The following HOXA3 variants were observed in gnomAD, a reference collection of about 807,000 sequenced individuals.
The protein encoded by HOXA3 is homeobox A3.
In HOXA3, 8 loss-of-function variants were observed where a neutral mutation model predicts 30.3. That is an observed-to-expected ratio of 0.26 (90% CI 0.15 to 0.48). The LOEUF (loss-of-function observed/expected upper bound fraction) is 0.48, where lower values mean the gene tolerates loss of function less well. Among genes scored for constraint, HOXA3 ranks in the 20% least tolerant of loss-of-function variants. The pLI is 0.99. For missense variants in HOXA3, 653 were observed against 614.4 expected, an observed-to-expected ratio of 1.06 and a Z score of -0.66; for synonymous variants, 323 against 273.1, an observed-to-expected ratio of 1.18 and a Z score of -1.80.
Position 27,107,800 on chromosome 7 carries a change from G to C in HOXA3, c.*115C>G, listed in dbSNP as rs369064106. 184 of 689,734 alleles carry C rather than the reference G, an allele frequency of 2.7e-4. No individual in the cohort carries two copies. The East Asian group carries it at 4.7e-3, about 18-fold the overall frequency. The allele number at this position is 689,734 out of a possible 1,614,324, so 42.7% of individuals were successfully genotyped here. A position where few individuals can be genotyped will look rare whatever the true frequency, so the allele number is the denominator to read the frequency against. ...AACGGAGTGCGGGGCGGAGAAGAGA[G>C]AAAAGGAAGGAAGGAAAGGGCAGGA... is the stretch of plus-strand genomic sequence containing the variant. On this transcript the variant is annotated 3_prime_UTR_variant, in exon 6 of 6. Coordinates refer to ENST00000612286, the MANE Select transcript of HOXA3 (RefSeq NM_153631.3).
At chr7:27,115,075 C>T (rs2128044506) in intron 4 of HOXA3, among the ~76,000 whole-genome samples, 1 of 150,320 alleles carries the variant, frequency 6.7e-6, no homozygotes, top group Admixed American at 6.7e-5. Flanking sequence ...AGATTTCTCT[C>T]TTTTGCTGCA....
Position 27,113,855 on chromosome 7 carries a change from A to AC in HOXA3, c.-120-3096dup, listed in dbSNP as rs1298651113. On this transcript the variant is annotated intron_variant, in intron 4 of 5. Transcript: ENST00000612286. The surrounding 1 kb of genome is among the most constrained non-coding windows in gnomAD (Gnocchi z 4.8). Reference sequence around the variant, plus strand: ...CCCAGGGCCGACTGGGGCGGCTTGGACCCCCCTCCCACCCACCCCACCCAC... The same window carrying AC: ...CCCAGGGCCGACTGGGGCGGCTTGGACCCCCCCTCCCACCCACCCCACCCAC... 4 of 145,910 alleles carry AC rather than the reference A, an allele frequency of 2.7e-5. No homozygotes were observed. Among genetic ancestry groups the AC allele is most frequent in the Admixed American group, 2.0e-4 (3 of 14,840 alleles). The allele number at this position is 145,910 out of a possible 1,614,324, so 9.0% of individuals were successfully genotyped here.
intron 2 of HOXA3, among the ~76,000 whole-genome samples, chr7:27,138,758 GA>G (rs1785793089): frequency 6.6e-6 from 1 of 152,176 alleles, no homozygotes; most frequent in African/African-American, 2.4e-5. Flanking sequence ...TGCAATTTTG[GA>G]GACTGTTCTG....
intron 1 of HOXA3, chr7:27,147,632 C>A: frequency 6.2e-7 from 1 of 1,614,232 alleles, no homozygotes. Context: ...CCGTACGAGG[C>A]CGGGAAGGGC....
At chr7:27,142,915 C>G in intron 1 of HOXA3, 3 of 831,106 alleles carry the variant, frequency 3.6e-6, no homozygotes, top group Non-Finnish European at 3.7e-6. Context: ...GGAGGGAGAA[C>G]GGCAAGGAGA....
In HOXA3 at chr7:27,110,365, C is replaced by T; in HGVS notation, c.276G>A (p.Pro92=). The T allele has an allele frequency of 6.6e-7, 1 of 1,505,782 alleles. No homozygotes were observed. Among genetic ancestry groups the T allele is most frequent in the Non-Finnish European group, 8.8e-7 (1 of 1,132,106 alleles). 93.3% of individuals were successfully genotyped at this position (1,505,782 alleles called of 1,614,324 possible). A position where few individuals can be genotyped will look rare whatever the true frequency, so the allele number is the denominator to read the frequency against. ...CAGGGGGCGCGGCCTGGGGCGGCGGCGGGTGCAGGGGCGGCTCTCCCAGGC... is the reference window on the plus strand; with the variant it reads ...CAGGGGGCGCGGCCTGGGGCGGCGGTGGGTGCAGGGGCGGCTCTCCCAGGC... ...PPSLGEPPLH[P]PPPQAAPPAP... is the part of the protein sequence containing the mutation. The change falls in exon 5 of 6, where the codon CCG becomes CCA. Residue 92 remains proline, a synonymous_variant. Coordinates refer to ENST00000612286, the MANE Select transcript of HOXA3 (RefSeq NM_153631.3).
intron 4 of HOXA3, among the ~76,000 whole-genome samples, chr7:27,112,467 G>C (rs1462385902): frequency 6.6e-6 from 1 of 152,098 alleles, no homozygotes; most frequent in Non-Finnish European, 1.5e-5. Context: ...TAATTTTCCA[G>C]AACCTCGATT....
At chr7:27,134,036 A>T (rs1785642559) in intron 2 of HOXA3, 1 of 152,278 alleles carries the variant, frequency 6.6e-6, no homozygotes. Flanking sequence ...AAGGAAATGT[A>T]AACGTTATGG....
intron 4 of HOXA3, among the ~76,000 whole-genome samples, chr7:27,112,183 CCA>C (rs1784414854): frequency 6.6e-6 from 1 of 152,102 alleles, no homozygotes; most frequent in Admixed American, 6.5e-5. Flanking sequence ...AAATATTCAC[CCA>C]CACACACACT....
chr7:27,137,493 A>G (rs1284827419), intron 2 of HOXA3, among the ~76,000 whole-genome samples: 1 of 152,070 alleles, frequency 6.6e-6, no homozygotes. Flanking sequence ...TGACAGACAT[A>G]TTTTTTCTTA....
chr7:27,114,224 G>A (rs1005466945), intron 4 of HOXA3, among the ~76,000 whole-genome samples: 22 of 151,994 alleles, frequency 1.4e-4, no homozygotes, highest in Non-Finnish European at 2.9e-4. Flanking sequence ...GCTCCCAGGC[G>A]TCACGAAAGT....
chr7:27,127,688 A>G (rs929247), intron 2 of HOXA3, among the ~76,000 whole-genome samples: 144,662 of 152,292 alleles, frequency 0.95, 68,793 homozygotes, highest in East Asian at 1. Context: ...TACTAGGGTT[A>G]TAGAGATCGA....
rs561271431 is a variant in HOXA3 at position 27,136,063 on chromosome 7, A to G, written c.-390+4020T>C. ...CATTTTATCTTTTGTGCTGATAGTC[A>G]AGATCACAGCTCTAACATTGACATC... On this transcript the variant is annotated intron_variant, in intron 2 of 5. Coordinates refer to ENST00000612286, the MANE Select transcript of HOXA3 (RefSeq NM_153631.3). 5.7e-4 allele frequency among the ~76,000 whole-genome samples: 87 copies of G among 152,266 alleles called. 2 individuals carry two copies. The highest frequency in any genetic ancestry group is 1.1e-3 in the Non-Finnish European group (74 of 68,048).
rs1438993065 is a variant in HOXA3 at position 27,152,530 on chromosome 7, C to G, written c.-736G>C. 3 of 1,179,212 alleles carry G rather than the reference C, an allele frequency of 2.5e-6. No homozygotes were observed. The highest frequency in any genetic ancestry group is 1.6e-5 in the South Asian group (1 of 62,390). The allele number at this position is 1,179,212 out of a possible 1,614,324, so 73.0% of individuals were successfully genotyped here. A position where few individuals can be genotyped will look rare whatever the true frequency, so the allele number is the denominator to read the frequency against. ...TCTCCGGACAAAGCACAGCCGAGCCCGGCTGGAAGGCAGAGCTCCGAAGCA... is the reference window on the plus strand; with the variant it reads ...TCTCCGGACAAAGCACAGCCGAGCCGGGCTGGAAGGCAGAGCTCCGAAGCA... On this transcript the variant is annotated 5_prime_UTR_variant, in exon 1 of 6. Coordinates refer to ENST00000612286, the MANE Select transcript of HOXA3 (RefSeq NM_153631.3).
intron 1 of HOXA3, chr7:27,150,161 C>T (rs1320188927): frequency 1.1e-4 from 2 of 17,602 alleles, no homozygotes; most frequent in African/African-American, 4.1e-4. Context: ...CAGATATTCT[C>T]TCTCTCTCTC....
intron 1 of HOXA3, among the ~76,000 whole-genome samples, chr7:27,149,797 AT>A (rs964507206): frequency 1.3e-4 from 20 of 152,232 alleles, no homozygotes; most frequent in Admixed American, 3.3e-4. Flanking sequence ...TGTTTGTGTT[AT>A]TTTTTTCTTA....
intron 1 of HOXA3, chr7:27,147,153 T>A (rs1415492764): frequency 3.8e-6 from 3 of 781,736 alleles, no homozygotes; most frequent in Non-Finnish European, 6.0e-6. Context: ...CATTGGGAAC[T>A]GATTTTTTCT....
At position 27,146,067 on chromosome 7, in the gene HOXA3, G is replaced by A. The variant is rs1316223366; in HGVS notation, c.-493-5881C>T. 5 of 896,320 alleles carry A rather than the reference G, an allele frequency of 5.6e-6. No homozygotes were observed. The South Asian group carries it at 7.0e-5, about 13-fold the overall frequency. 55.5% of individuals were successfully genotyped at this position (896,320 alleles called of 1,614,324 possible). On this transcript the variant is annotated intron_variant, in intron 1 of 5. Coordinates refer to ENST00000612286, the MANE Select transcript of HOXA3 (RefSeq NM_153631.3). ...CTATGTCTGGGGCCCAAAGCATACT[G>A]AATGGGAGATTATTTCATACCAAGC...
chr7:27,134,756 A>G (rs901200983), intron 2 of HOXA3, among the ~76,000 whole-genome samples: 1 of 152,230 alleles, frequency 6.6e-6, no homozygotes, highest in Non-Finnish European at 1.5e-5. Flanking sequence ...TACTTCCATG[A>G]AGGCAGTGTT....
Sources: gnomAD v4.1 joint callset for allele counts (sites outside exome capture counted in the v4.1 genomes callset) on GRCh38, gnomAD v4.1.1 for gene constraint, Gnocchi (gnomAD v3.1) non-coding constraint, MANE v1.5 for transcripts, NCBI Gene and HGNC (gene_info 2026-07-23, HGNC 2026-07-21) for gene names.